The following FERRY3 variants were observed in gnomAD, a reference collection of about 807,000 sequenced individuals.
FERRY3 encodes the protein FERRY endosomal RAB5 effector complex subunit 3.
the FERRY3 span, chr12:4,500,037 G>A: frequency 8.5e-7 from 1 of 1,178,480 alleles, no homozygotes; most frequent in Non-Finnish European, 1.2e-6. Context: ...AAATCCATTA[G>A]TTTAAAAAAA....
the FERRY3 span, among the ~76,000 whole-genome samples, chr12:4,497,810 C>T: frequency 1.5e-4 from 23 of 152,290 alleles, 1 homozygote; most frequent in South Asian, 4.1e-4. Context: ...TGACATAGGA[C>T]ATGGGCTGTT....
the FERRY3 span, among the ~76,000 whole-genome samples, chr12:4,490,916 TA>T: frequency 6.6e-6 from 1 of 152,148 alleles, no homozygotes; most frequent in African/African-American, 2.4e-5. Context: ...TTTAAGAGAA[TA>T]AAGGTAATAG....
At chr12:4,534,041 T>A in the FERRY3 span, 13,055 of 1,131,962 alleles carry the variant, frequency 0.012, 105 homozygotes, top group Non-Finnish European at 0.013. Context: ...CATTATAGAA[T>A]ATTGTATGTG....
chr12:4,509,607 C>T, the FERRY3 span, among the ~76,000 whole-genome samples: 1 of 144,662 alleles, frequency 6.9e-6, no homozygotes, highest in Non-Finnish European at 1.5e-5. Context: ...CCCGAGCAGC[C>T]TAACTGGGAG....
At chr12:4,489,978 A>G in the FERRY3 span, 1 of 950,422 alleles carries the variant, frequency 1.1e-6, no homozygotes, top group Non-Finnish European at 1.6e-6. Context: ...ATTTTAAAAT[A>G]TGGACCTAGT....
chr12:4,526,016 C>T, the FERRY3 span, among the ~76,000 whole-genome samples: 3 of 152,074 alleles, frequency 2.0e-5, no homozygotes, highest in African/African-American at 7.2e-5. Context: ...TACATTATAT[C>T]CAGAAGCAGA....
chr12:4,497,553 G>C, the FERRY3 span, among the ~76,000 whole-genome samples: 14 of 152,154 alleles, frequency 9.2e-5, no homozygotes, highest in African/African-American at 3.4e-4. Flanking sequence ...GTAACCAACA[G>C]TTACAAAACT....
At chr12:4,498,442 T>C in the FERRY3 span, among the ~76,000 whole-genome samples, 1 of 152,176 alleles carries the variant, frequency 6.6e-6, no homozygotes, top group Non-Finnish European at 1.5e-5. Context: ...AAAATGTTTG[T>C]CCATCTCTCT....
chr12:4,490,035 G>T, the FERRY3 span: 1 of 589,554 alleles, frequency 1.7e-6, no homozygotes. Context: ...ATCTTTCATG[G>T]CCGATGTAAC....
chr12:4,500,785 T>C, the FERRY3 span, among the ~76,000 whole-genome samples: 1 of 152,198 alleles, frequency 6.6e-6, no homozygotes, highest in African/African-American at 2.4e-5. Context: ...CTCGAGTAGC[T>C]GGGATTACAG....
At chr12:4,535,995 T>TAAAA in the FERRY3 span, 3 of 1,175,132 alleles carry the variant, frequency 2.6e-6, no homozygotes, top group Non-Finnish European at 2.3e-6. This position sits in a 1 kb window ranked among gnomAD's most constrained non-coding sequence, Gnocchi z 4.0. Context: ...TGGTGTTACT[T>TAAAA]AAAAAAAAAA....
At chr12:4,501,412 T>C in the FERRY3 span, among the ~76,000 whole-genome samples, 5 of 152,198 alleles carry the variant, frequency 3.3e-5, no homozygotes, top group Non-Finnish European at 7.3e-5. Flanking sequence ...GTCCATCACC[T>C]GTTAGGAACC....
chr12:4,495,226 T>G, the FERRY3 span, among the ~76,000 whole-genome samples: 1 of 152,210 alleles, frequency 6.6e-6, no homozygotes, highest in Non-Finnish European at 1.5e-5. Flanking sequence ...GTTAAACATT[T>G]TATTCAAGAA....
the FERRY3 span, among the ~76,000 whole-genome samples, chr12:4,517,558 C>G: frequency 6.6e-6 from 1 of 150,830 alleles, no homozygotes; most frequent in Non-Finnish European, 1.5e-5. Context: ...AACAAGTATA[C>G]GTTTCATATA....
chr12:4,514,670 T>C, the FERRY3 span, among the ~76,000 whole-genome samples: 1 of 145,074 alleles, frequency 6.9e-6, no homozygotes, highest in South Asian at 2.2e-4. Context: ...CCGCATATTC[T>C]CACTCATAGG....
chr12:4,500,020 G>A, the FERRY3 span: 3 of 909,236 alleles, frequency 3.3e-6, no homozygotes, highest in South Asian at 1.7e-5. Context: ...CCAGATCGGA[G>A]ATGCAAAAAT....
the FERRY3 span, chr12:4,491,144 G>A: frequency 1.9e-5 from 30 of 1,602,324 alleles, no homozygotes; most frequent in Non-Finnish European, 2.6e-5. Flanking sequence ...AGGAAATACA[G>A]GTGGTGGTTG....
chr12:4,527,584 G>A, the FERRY3 span, among the ~76,000 whole-genome samples: 3 of 151,398 alleles, frequency 2.0e-5, no homozygotes, highest in East Asian at 5.8e-4. Flanking sequence ...TGTCACTTCT[G>A]CTCATGAAAT....
At chr12:4,526,379 TAATA>T in the FERRY3 span, among the ~76,000 whole-genome samples, 6 of 152,236 alleles carry the variant, frequency 3.9e-5, no homozygotes, top group Non-Finnish European at 7.3e-5. Context: ...TGTTATATTT[TAATA>T]AATAAGTTCA....
Sources: allele counts gnomAD v4.1 joint callset (sites outside exome capture counted in the v4.1 genomes callset), GRCh38; gene constraint gnomAD v4.1.1; non-coding constraint Gnocchi (gnomAD v3.1); transcripts MANE v1.5; gene names NCBI Gene and HGNC (gene_info 2026-07-23, HGNC 2026-07-21).